NCKAP1L: variants seen among roughly 807,000 people sequenced by gnomAD.
NCKAP1L encodes the protein NCK associated protein 1 like.
A neutral mutation model predicts 139.2 loss-of-function variants in NCKAP1L; 53 were observed. The observed-to-expected ratio is 0.38, with a 90% confidence interval of 0.31 to 0.48. The LOEUF (loss-of-function observed/expected upper bound fraction) is 0.48. NCKAP1L is among the 20% of genes least tolerant of loss of function. NCKAP1L has a pLI of 0.98. For synonymous variants in NCKAP1L, 468 were observed against 499.7 expected, an observed-to-expected ratio of 0.94 and a Z score of 0.85; for missense variants, 1,151 against 1,381.9, an observed-to-expected ratio of 0.83 and a Z score of 2.65.
chr12:54,531,467 T>A, intron 23 of NCKAP1L, 24 bp from the exon 24 acceptor site: 1 of 1,612,696 alleles, frequency 6.2e-7, no homozygotes, highest in Non-Finnish European at 8.5e-7. Context: ...TCCTGCTTAA[T>A]GTCTCTGTGT....
intron 29 of NCKAP1L, among the ~76,000 whole-genome samples, chr12:54,538,622 C>T (rs36124405): frequency 0.09 from 13,637 of 152,190 alleles, 759 homozygotes; most frequent in African/African-American, 0.15. Flanking sequence ...TGCTCTAGGT[C>T]GTTTCCCTGC....
rs1250110522 is a variant in NCKAP1L, at chr12:54,521,221, C to T, written c.1861C>T (p.Arg621Ter). The change falls in exon 18 of 31, where the codon CGA (arginine) becomes TGA (stop). Residue 621 changes from arginine (R) to a stop codon, truncating the protein, a stop_gained. Coordinates refer to ENST00000293373, the MANE Select transcript of NCKAP1L (RefSeq NM_005337.5). LOFTEE classifies it high-confidence loss of function. The stretch of plus-strand genomic sequence containing the variant: ...CGTCCTGGAGATCTGTGCTGAGCAG[C>T]GAAACCTGAGCGAGCAGGTAGACTC... ...NCVLEICAEQ[R>*]NLSEQLLPKH... The T allele has an allele frequency of 3.1e-6, 5 of 1,613,886 alleles. No homozygotes were observed. The highest frequency in any genetic ancestry group is 1.6e-4 in the Middle Eastern group (1 of 6,084).
intron 22 of NCKAP1L, 120 bp from the exon 23 acceptor site, chr12:54,531,140 A>T: frequency 2.4e-6 from 2 of 839,558 alleles, no homozygotes; most frequent in Admixed American, 4.7e-5. Context: ...TTGCTCCTTG[A>T]CTTCTCATTT....
Position 54,545,028 on chromosome 12 carries a change from C to A in NCKAP1L, c.*2343C>A, listed in dbSNP as rs1300809677. ...ATAAATAATAATTTAAAAAAAGATACAGAACAGTTCCATCACCACAAGGAT... is the reference window on the plus strand; with the variant it reads ...ATAAATAATAATTTAAAAAAAGATAAAGAACAGTTCCATCACCACAAGGAT... On this transcript the variant is annotated 3_prime_UTR_variant, in exon 31 of 31. Transcript: ENST00000293373. 3 of 152,110 alleles carry A rather than the reference C, an allele frequency of 2.0e-5. No homozygotes were observed. Among genetic ancestry groups the A allele is most frequent in the Non-Finnish European group, 4.4e-5 (3 of 68,014 alleles). The allele number at this position is 152,110 out of a possible 1,614,324, so 9.4% of individuals were successfully genotyped here.
At chr12:54,510,993 G>C (rs1391844751) in intron 7 of NCKAP1L, among the ~76,000 whole-genome samples, 1 of 152,174 alleles carries the variant, frequency 6.6e-6, no homozygotes, top group Non-Finnish European at 1.5e-5. Context: ...TTTGATGACT[G>C]TGGGCTCAAA....
At chr12:54,538,137 A>G (rs2120975916) in intron 29 of NCKAP1L, among the ~76,000 whole-genome samples, 1 of 152,334 alleles carries the variant, frequency 6.6e-6, no homozygotes, top group African/African-American at 2.4e-5. Flanking sequence ...AGGAGGAAAC[A>G]CAGCGGATCA....
Position 54,545,398 on chromosome 12 carries a change from T to A in NCKAP1L, c.*2713T>A, listed in dbSNP as rs998160256. ...CAAGTCTGATGTTCAGTCCTAGACC[T>A]TTTCTACTTGCCCGGTCTGCCTCTT... On this transcript the variant is annotated 3_prime_UTR_variant, in exon 31 of 31. Transcript: ENST00000293373. The A allele has an allele frequency of 6.6e-6, 1 of 152,206 alleles. No homozygotes were observed. Among genetic ancestry groups the A allele is most frequent in the Non-Finnish European group, 1.5e-5 (1 of 68,034 alleles). 9.4% of individuals were successfully genotyped at this position (152,206 alleles called of 1,614,324 possible).
chr12:54,498,399 T>TTGTGTGTGTGTG (rs766272206), intron 1 of NCKAP1L, among the ~76,000 whole-genome samples: 4,912 of 142,280 alleles, frequency 0.035, 109 homozygotes, highest in Non-Finnish European at 0.043. Context: ...GCTGTGGTGG[T>TTGTGTGTGTGTG]TGTGTGTGTG....
intron 9 of NCKAP1L, among the ~76,000 whole-genome samples, chr12:54,514,910 G>A (rs1188930500): frequency 6.6e-6 from 1 of 152,226 alleles, no homozygotes; most frequent in Non-Finnish European, 1.5e-5. Context: ...TGCTTCTAAG[G>A]AATGGAAGAG....
intron 3 of NCKAP1L, 130 bp from the exon 4 acceptor site, chr12:54,507,723 A>G: frequency 1.2e-6 from 1 of 812,146 alleles, no homozygotes. Flanking sequence ...TCTTTTTCAC[A>G]GTGACTTTTC....
At position 54,536,112 on chromosome 12, in the gene NCKAP1L, T is replaced by C; in HGVS notation, c.2957-17T>C. ...ACTTTATTCACTTTTCCTCTTTTCC[T>C]TTTTCCCTCTCACCAGATACTTCAT... On this transcript the variant is annotated splice_polypyrimidine_tract_variant and intron_variant, in intron 27 of 30. Transcript: ENST00000293373. The C allele has an allele frequency of 1.9e-6, 3 of 1,560,480 alleles. No homozygotes were observed. Among genetic ancestry groups the C allele is most frequent in the Non-Finnish European group, 1.8e-6 (2 of 1,133,500 alleles).
intron 22 of NCKAP1L, among the ~76,000 whole-genome samples, chr12:54,530,175 C>A (rs1434703872): frequency 1.3e-5 from 2 of 152,238 alleles, no homozygotes; most frequent in African/African-American, 4.8e-5. Flanking sequence ...GGAGCCTTGA[C>A]TTCCATTTCT....
In NCKAP1L at chr12:54,504,309, A is replaced by G. The variant is rs542725090; in HGVS notation, c.307-3544A>G. Among the ~76,000 whole-genome samples the G allele has an allele frequency of 1.1e-4, 17 of 152,296 alleles. No individual in the cohort carries two copies. In the East Asian group the frequency reaches 3.3e-3, roughly 29 times the overall value. On this transcript the variant is annotated intron_variant, in intron 3 of 30. Transcript: ENST00000293373. ...AATGTGTTCTGTGCCTACCCTAGGA[A>G]GCAAATCCAGGATATTCAGTAGATC...
chr12:54,534,116 A>G (rs1034991080), intron 26 of NCKAP1L, among the ~76,000 whole-genome samples: 1 of 152,222 alleles, frequency 6.6e-6, no homozygotes, highest in Non-Finnish European at 1.5e-5. Context: ...GAAGGTAAAG[A>G]GAAATGCAAA....
chr12:54,529,298 A>G (rs34201624), intron 22 of NCKAP1L, among the ~76,000 whole-genome samples: 53,245 of 151,996 alleles, frequency 0.35, 11,117 homozygotes, highest in African/African-American at 0.57. Context: ...TCAGGGGGAG[A>G]CAGGTAAGGA....
chr12:54,515,910 A>T (rs1379506647), intron 9 of NCKAP1L, among the ~76,000 whole-genome samples: 1 of 152,158 alleles, frequency 6.6e-6, no homozygotes, highest in Non-Finnish European at 1.5e-5. Flanking sequence ...GAGTACCTTG[A>T]TTTGAAGGAG....
intron 22 of NCKAP1L, 86 bp from the exon 23 acceptor site, chr12:54,531,174 T>A: frequency 9.4e-7 from 1 of 1,062,842 alleles, no homozygotes; most frequent in Non-Finnish European, 1.4e-6. Context: ...GAAAACATTT[T>A]AAATATTCAA....
chr12:54,517,100 G>T (rs762237760), intron 11 of NCKAP1L, 108 bp downstream of exon 11: 166 of 889,202 alleles, frequency 1.9e-4, no homozygotes, highest in Non-Finnish European at 2.7e-4. Context: ...TCATTCATTT[G>T]TATGTATATA....
intron 7 of NCKAP1L, 24 bp downstream of exon 7, chr12:54,510,009 A>G: frequency 6.2e-7 from 1 of 1,612,934 alleles, no homozygotes; most frequent in Non-Finnish European, 8.5e-7. Flanking sequence ...TCCTTTTGTT[A>G]GTGGAAGCAT....
Sources: allele counts gnomAD v4.1 joint callset (sites outside exome capture counted in the v4.1 genomes callset), GRCh38; gene constraint gnomAD v4.1.1; transcripts MANE v1.5; gene names NCBI Gene and HGNC (gene_info 2026-07-23, HGNC 2026-07-21).